Variants in PCDHGA1 observed in about 807,000 individuals in gnomAD.
The protein encoded by PCDHGA1 is protocadherin gamma subfamily A, 1, also known as protocadherin gamma-A1.
Under a neutral mutation model 58.0 loss-of-function variants are expected in PCDHGA1, and 32 were observed. The ratio of observed to expected loss-of-function variants is 0.55; its 90% CI spans 0.42 to 0.74. PCDHGA1 has a LOEUF of 0.74. Ranked by LOEUF, PCDHGA1 falls within the 30% of genes least tolerant of loss-of-function variation. PCDHGA1 has a pLI of 0.00. For missense variants in PCDHGA1, 1,205 were observed against 1,182.3 expected (o/e 1.02, Z -0.28); for synonymous variants, 498 against 501.1 (o/e 0.99, Z 0.08).
At chr5:141,351,146 G>A in intron 1 of PCDHGA1, 5 of 1,613,958 alleles carry the variant, frequency 3.1e-6, no homozygotes, top group Middle Eastern at 1.6e-4. Flanking sequence ...AAATACTGGC[G>A]ACATCACAAC....
chr5:141,340,967 G>A (rs367802165), intron 1 of PCDHGA1: 3 of 1,613,760 alleles, frequency 1.9e-6, no homozygotes, highest in African/African-American at 1.3e-5. Flanking sequence ...GGCCGTGGCC[G>A]ACAGGATCCC....
intron 1 of PCDHGA1, chr5:141,421,090 G>C (rs552694052): frequency 1.5e-6 from 1 of 661,192 alleles, no homozygotes; most frequent in Admixed American, 3.2e-5. Context: ...CACAGATCCT[G>C]ACACTGGAGA....
intron 1 of PCDHGA1, chr5:141,478,700 C>A: frequency 1.3e-6 from 2 of 1,549,172 alleles, no homozygotes; most frequent in Non-Finnish European, 1.7e-6. Flanking sequence ...AAAGTTAGTG[C>A]CTTTGTGAGA....
chr5:141,466,358 A>T (rs1210013683), intron 1 of PCDHGA1, among the ~76,000 whole-genome samples: 3 of 152,066 alleles, frequency 2.0e-5, no homozygotes, highest in Non-Finnish European at 4.4e-5. Context: ...GCTAATCTAG[A>T]TGTAATGGTT....
intron 1 of PCDHGA1, chr5:141,413,221 G>A (rs1384304697): frequency 1.2e-6 from 2 of 1,613,452 alleles, no homozygotes; most frequent in East Asian, 2.2e-5. Flanking sequence ...GGATTGCAGC[G>A]GGCTGGTCCT....
chr5:141,458,366 GGAGAA>G (rs1437271099), intron 1 of PCDHGA1, among the ~76,000 whole-genome samples: 1 of 152,090 alleles, frequency 6.6e-6, no homozygotes, highest in African/African-American at 2.4e-5. Flanking sequence ...AAGAAGGAAG[GGAGAA>G]GAGAGAAGGA....
intron 1 of PCDHGA1, among the ~76,000 whole-genome samples, chr5:141,456,499 A>C (rs1283501704): frequency 6.6e-6 from 1 of 152,210 alleles, no homozygotes; most frequent in Non-Finnish European, 1.5e-5. Flanking sequence ...AAAGGGGTTA[A>C]CCAATTCCAT....
chr5:141,441,883 A>T, intron 1 of PCDHGA1: 1 of 343,546 alleles, frequency 2.9e-6, no homozygotes, highest in South Asian at 2.6e-5. Context: ...CTACCTGGTC[A>T]CCAAGGTGGT....
At position 141,379,889 on chromosome 5, in the gene PCDHGA1, C is replaced by CTTTTTTTTTTTTTTTTTTTTTTTTTT. The variant is rs70988800; in HGVS notation, c.2421+46789_2421+46814dup. On this transcript the variant is annotated intron_variant, in intron 1 of 3. Coordinates refer to ENST00000517417, the MANE Select transcript of PCDHGA1 (RefSeq NM_018912.3). ...CTTATTTTATGGTCTGTGAAAGCCT[C>CTTTTTTTTTTTTTTTTTTTTTTTTTT]TTTTTTTTTTTTTTTTTTTTTTTTT... Among the ~76,000 whole-genome samples the CTTTTTTTTTTTTTTTTTTTTTTTTTT allele has an allele frequency of 6.9e-4, 35 of 50,830 alleles. 8 individuals carry two copies. Among genetic ancestry groups the CTTTTTTTTTTTTTTTTTTTTTTTTTT allele is most frequent in the Non-Finnish European group, 8.9e-4 (23 of 25,880 alleles). The allele number at this position is 50,830 out of a possible 152,430, so 33.3% of individuals were successfully genotyped here. A position where few individuals can be genotyped will look rare whatever the true frequency, so the allele number is the denominator to read the frequency against.
At chr5:141,424,700 T>C (rs1359856009) in intron 1 of PCDHGA1, 3 of 152,228 alleles carry the variant, frequency 2.0e-5, no homozygotes, top group African/African-American at 7.2e-5. Context: ...TATTTTTTTG[T>C]TCATTTTCAG....
intron 1 of PCDHGA1, chr5:141,420,214 C>T: frequency 6.2e-7 from 1 of 1,611,064 alleles, no homozygotes; most frequent in Non-Finnish European, 8.5e-7. Context: ...ACAAAGATAG[C>T]ATGCTACTGG....
intron 1 of PCDHGA1, chr5:141,382,918 G>T: frequency 2.6e-6 from 4 of 1,558,926 alleles, no homozygotes; most frequent in Non-Finnish European, 3.5e-6. Context: ...TCAGCCGAGG[G>T]GCGGGGACTA....
In PCDHGA1 at chr5:141,418,448, C is replaced by T. The variant is rs1240295197; in HGVS notation, c.2422-76359C>T. On this transcript the variant is annotated intron_variant, in intron 1 of 3. Transcript: ENST00000517417. ...TGGCAAATATCCAGAATTAGTATTG[C>T]AGAAGACTCTGGACCGAGAAACGCA... 1.9e-6 allele frequency: 3 copies of T among 1,613,850 alleles called. No homozygotes were observed. The African/African-American group carries it at 4.0e-5, about 22-fold the overall frequency.
At chr5:141,367,147 G>T in intron 1 of PCDHGA1, 1 of 167,442 alleles carries the variant, frequency 6.0e-6, no homozygotes. Context: ...ATAATGTATA[G>T]GACTGATATT....
At chr5:141,356,078 A>C (rs779701115) in intron 1 of PCDHGA1, 6 of 1,613,924 alleles carry the variant, frequency 3.7e-6, no homozygotes, top group Non-Finnish European at 5.1e-6. Context: ...CAGCTATTTC[A>C]GTTGAATTCT....
Position 141,374,942 on chromosome 5 carries a change from A to G in PCDHGA1, c.2421+41837A>G, listed in dbSNP as rs758134474. The G allele has an allele frequency of 5.6e-6, 9 of 1,613,926 alleles. No individual in the cohort carries two copies. Among genetic ancestry groups the G allele is most frequent in the Non-Finnish European group, 7.6e-6 (9 of 1,179,910 alleles). ...TTATTCCTTTGTGAAGATTACAGAA[A>G]AGATCTCACAAATTTTCTGTTTGAA... On this transcript the variant is annotated intron_variant, in intron 1 of 3. Coordinates refer to ENST00000517417, the MANE Select transcript of PCDHGA1 (RefSeq NM_018912.3).
In PCDHGA1 at chr5:141,350,622, A is replaced by G; in HGVS notation, c.2421+17517A>G. 41 of 1,614,094 alleles carry G rather than the reference A, an allele frequency of 2.5e-5. No homozygotes were observed. Among genetic ancestry groups the G allele is most frequent in the Non-Finnish European group, 3.5e-5 (41 of 1,179,908 alleles). ...GTTTTCCACGTGGTTGTTGTAATCC[A>G]AGATATTAATGACAATGCACCACGT... On this transcript the variant is annotated intron_variant, in intron 1 of 3. Coordinates refer to ENST00000517417, the MANE Select transcript of PCDHGA1 (RefSeq NM_018912.3).
chr5:141,357,103 A>G, intron 1 of PCDHGA1: 1 of 1,613,860 alleles, frequency 6.2e-7, no homozygotes, highest in Non-Finnish European at 8.5e-7. Context: ...CCTGCTGGAC[A>G]GAGACGCGCT....
intron 1 of PCDHGA1, chr5:141,341,466 C>T (rs1472236861): frequency 1.3e-6 from 2 of 1,593,800 alleles, no homozygotes; most frequent in Admixed American, 1.7e-5. Context: ...TTTACTATAT[C>T]TATTTTGTTC....
Sources: gnomAD v4.1 joint callset for allele counts (sites outside exome capture counted in the v4.1 genomes callset) on GRCh38, gnomAD v4.1.1 for gene constraint, MANE v1.5 for transcripts, NCBI Gene and HGNC (gene_info 2026-07-23, HGNC 2026-07-21) for gene names.